The following F5 variants were observed in gnomAD, a reference collection of about 807,000 sequenced individuals.
The protein encoded by F5 is activated protein c cofactor.
F5 carries 138 observed loss-of-function variants against 216.4 expected under a neutral mutation model. That is an observed-to-expected ratio of 0.64 (90% CI 0.56 to 0.73). The LOEUF is 0.73. F5 is among the 30% of genes least tolerant of loss of function. The pLI is 0.00. For synonymous variants in F5, 916 were observed against 930.7 expected (o/e 0.98, Z 0.29); for missense variants, 2,403 against 2,674.0 (o/e 0.90, Z 2.24).
intron 3 of F5, among the ~76,000 whole-genome samples, chr1:169,562,724 C>T (rs1660510090): frequency 1.3e-5 from 2 of 151,946 alleles, no homozygotes; most frequent in East Asian, 1.9e-4. Context: ...TTGTAAGAAC[C>T]TTGCAATAAT....
intron 21 of F5, among the ~76,000 whole-genome samples, 166 bp from the exon 22 acceptor site, chr1:169,520,830 T>C (rs1659282658): frequency 6.6e-6 from 1 of 152,160 alleles, no homozygotes; most frequent in Admixed American, 6.5e-5. Context: ...TCCAGGAAGA[T>C]TGTATATATG....
At chr1:169,523,935 T>C in intron 19 of F5, 31 bp from the exon 20 acceptor site, 3 of 1,581,108 alleles carry the variant, frequency 1.9e-6, no homozygotes, top group South Asian at 1.1e-5. Flanking sequence ...AGATTTATTC[T>C]GAATTTTTTA....
chr1:169,578,487 T>C (rs911111154), intron 2 of F5, among the ~76,000 whole-genome samples: 1 of 152,250 alleles, frequency 6.6e-6, no homozygotes, highest in East Asian at 1.9e-4. Context: ...CCGTCTCTTA[T>C]GGCATTTAGC....
chr1:169,584,450 T>G (rs1356671157), intron 1 of F5, among the ~76,000 whole-genome samples: 1 of 152,266 alleles, frequency 6.6e-6, no homozygotes, highest in African/African-American at 2.4e-5. Flanking sequence ...TTTGTATACA[T>G]GTGAGTGACT....
At chr1:169,515,221 T>C (rs1659130613) in intron 24 of F5, among the ~76,000 whole-genome samples, 1 of 152,048 alleles carries the variant, frequency 6.6e-6, no homozygotes, top group East Asian at 1.9e-4. Context: ...TTTATGACAA[T>C]GATATTTATC....
rs532144106 is a variant in F5 at position 169,548,735 on chromosome 1, G to A, written c.1611+1066C>T. On this transcript the variant is annotated intron_variant, in intron 10 of 24. Transcript: ENST00000367797. ...AATACAAAAATTACATGGGGGTGGT[G>A]GCGGGCGCCTGTAATCCCAGCTACT... Among the ~76,000 whole-genome samples, 16 of 152,026 alleles carry A rather than the reference G, an allele frequency of 1.1e-4. No individual in the cohort carries two copies. In the South Asian group the frequency reaches 3.3e-3, roughly 32 times the overall value.
intron 2 of F5, among the ~76,000 whole-genome samples, chr1:169,576,365 A>G (rs1660850543): frequency 6.6e-6 from 1 of 151,930 alleles, no homozygotes; most frequent in Admixed American, 6.6e-5. Flanking sequence ...GTTTATTCTG[A>G]TCTTGTGCCT....
At chr1:169,564,365 C>T (rs1213949403) in intron 3 of F5, among the ~76,000 whole-genome samples, 1 of 152,052 alleles carries the variant, frequency 6.6e-6, no homozygotes, top group Non-Finnish European at 1.5e-5. Flanking sequence ...AAATTCTAGC[C>T]ATTTGAGCTT....
Position 169,524,818 on chromosome 1 carries a change from C to T in F5, c.5788+19G>A. On this transcript the variant is annotated intron_variant, in intron 19 of 24. Coordinates refer to ENST00000367797, the MANE Select transcript of F5 (RefSeq NM_000130.5). ...AACTGTAGGGGGTACCATTCACAGACCATGGTGCTACAACTTACCCAGAAA... is the reference window on the plus strand; with the variant it reads ...AACTGTAGGGGGTACCATTCACAGATCATGGTGCTACAACTTACCCAGAAA... 1 of 1,606,110 alleles carries T rather than the reference C, an allele frequency of 6.2e-7. No individual in the cohort carries two copies.
rs1044855495 is a variant in F5 at position 169,513,004 on chromosome 1, G to A, written c.*1309C>T. On this transcript the variant is annotated 3_prime_UTR_variant, in exon 25 of 25. Coordinates refer to ENST00000367797, the MANE Select transcript of F5 (RefSeq NM_000130.5). ...GGTTTTAAGGAACTTATTTATTTCTGCCTTAATTTCATTATTTACCCAGTA... is the reference window on the plus strand; with the variant it reads ...GGTTTTAAGGAACTTATTTATTTCTACCTTAATTTCATTATTTACCCAGTA... 6.6e-6 allele frequency among the ~76,000 whole-genome samples: 1 copy of A among 151,930 alleles called. No individual in the cohort carries two copies. The highest frequency in any genetic ancestry group is 2.4e-5 in the African/African-American group (1 of 41,358).
chr1:169,518,343 T>C (rs964572005), intron 23 of F5, 69 bp downstream of exon 23: 81 of 1,558,658 alleles, frequency 5.2e-5, no homozygotes, highest in Non-Finnish European at 6.9e-5. Flanking sequence ...TCCTCCATGT[T>C]TGTGGTAGTG....
intron 10 of F5, among the ~76,000 whole-genome samples, chr1:169,547,668 A>G (rs763960106): frequency 2.6e-5 from 4 of 152,216 alleles, no homozygotes; most frequent in Non-Finnish European, 4.4e-5. Flanking sequence ...AAGAATGGCT[A>G]TTATTAAAAA....
rs1392608443 is a variant in F5, at chr1:169,523,829, G to A, written c.5864C>T (p.Ala1955Val). The change falls in exon 20 of 25, where the codon GCA becomes GTA. Residue 1955 changes from alanine to valine, a missense_variant. Physicochemically the swap from Ala to Val is moderately conservative, Grantham distance 64 (BLOSUM62 0). Around this residue, in one of 4 missense-constraint regions of F5, gnomAD observed 659 missense variants for 787.9 expected, o/e 0.84. Coordinates refer to ENST00000367797, the MANE Select transcript of F5 (RefSeq NM_000130.5). ...YNAWSVEKLA[A>V]EFASKPWIQV... ...GATCCAAGGTTTAGAGGCAAATTCT[G>A]CTGCAAGTTTTTCTACACTCCAAGC... 2 of 1,613,774 alleles carry A rather than the reference G, an allele frequency of 1.2e-6. No individual in the cohort carries two copies. Among genetic ancestry groups the A allele is most frequent in the Admixed American group, 1.7e-5 (1 of 60,024 alleles).
Position 169,543,096 on chromosome 1 carries a change from G to A in F5, c.1994C>T (p.Ser665Phe), listed in dbSNP as rs1160374913. The A allele has an allele frequency of 4.3e-6, 7 of 1,613,532 alleles. No individual in the cohort carries two copies. Among genetic ancestry groups the A allele is most frequent in the Non-Finnish European group, 5.9e-6 (7 of 1,179,888 alleles). ...MDNVGTWMLTSMNSSPRSKKL... is the reference protein window; with the variant it reads ...MDNVGTWMLTFMNSSPRSKKL... ...TTTGCTTCTTGGACTAGAATTCATG[G>A]AAGTTAACATCCAAGTTCCTACAGA... The change falls in exon 13 of 25, where the codon TCC becomes TTC. Residue 665 changes from serine to phenylalanine, a missense_variant. Transcript: ENST00000367797.
intron 14 of F5, among the ~76,000 whole-genome samples, chr1:169,535,278 G>C (rs1442115846): frequency 6.6e-6 from 1 of 151,922 alleles, no homozygotes; most frequent in Non-Finnish European, 1.5e-5. Context: ...TTTTCCTTTT[G>C]CCTAAGGCTC....
Position 169,543,107 on chromosome 1 carries a change from C to T in F5, c.1983G>A (p.Trp661Ter), listed in dbSNP as rs1409285990. 6.2e-7 allele frequency: 1 copy of T among 1,613,186 alleles called. No individual in the cohort carries two copies. Among genetic ancestry groups the T allele is most frequent in the Admixed American group, 1.7e-5 (1 of 59,980 alleles). Residue 661 changes from tryptophan (W) to a stop codon, truncating the protein, a stop_gained, in exon 13 of 25, where the codon TGG becomes TGA. Transcript: ENST00000367797. LOFTEE classifies it high-confidence loss of function. ...GACTAGAATTCATGGAAGTTAACAT[C>T]CAAGTTCCTACAGAAGAGAGACAGA... is the stretch of plus-strand genomic sequence containing the variant. ...VTVTMDNVGT[W>*]MLTSMNSSPR...
In F5 at chr1:169,541,565, A is replaced by G. The variant is rs1659852102; in HGVS notation, c.3525T>C (p.Pro1175=). 6.2e-7 allele frequency: 1 copy of G among 1,614,152 alleles called. No individual in the cohort carries two copies. The highest frequency in any genetic ancestry group is 8.5e-7 in the Non-Finnish European group (1 of 1,180,004). The change falls in exon 13 of 25, where the codon CCT becomes CCC. Residue 1175 remains proline (P), a synonymous_variant. Coordinates refer to ENST00000367797, the MANE Select transcript of F5 (RefSeq NM_000130.5). ...SFPTDISQMS[P]SSEHEVWQTV... ...TCTGCCAGACTTCATGTTCTGAGGA[A>G]GGGGACATTTGACTTATATCTGTGG...
chr1:169,556,336 C>T (rs896116223), intron 6 of F5, among the ~76,000 whole-genome samples: 2 of 145,130 alleles, frequency 1.4e-5, no homozygotes, highest in African/African-American at 2.6e-5. Flanking sequence ...TGAAGTAACC[C>T]GAAGAAAGAA....
chr1:169,514,253 C>T lies in F5; in HGVS notation c.*60G>A, dbSNP rs952278033. On this transcript the variant is annotated 3_prime_UTR_variant, in exon 25 of 25. Transcript: ENST00000367797. ...TTTAACACAGCGTAAAATACATTGC[C>T]CATTCTAAATGGTTTGAGGTCTTAA... 5.4e-5 allele frequency: 81 copies of T among 1,507,060 alleles called. No homozygotes were observed. In the Admixed American group the frequency reaches 1.4e-3, roughly 25 times the overall value. The allele number at this position is 1,507,060 out of a possible 1,614,324, so 93.4% of individuals were successfully genotyped here. A position where few individuals can be genotyped will look rare whatever the true frequency, so the allele number is the denominator to read the frequency against.
Sources: gnomAD v4.1 joint callset for allele counts (sites outside exome capture counted in the v4.1 genomes callset) on GRCh38, gnomAD v4.1.1 for gene constraint, gnomAD v4.1.1 regional missense constraint, MANE v1.5 for transcripts, NCBI Gene and HGNC (gene_info 2026-07-23, HGNC 2026-07-21) for gene names.